The following SIL1 variants were observed in gnomAD, a reference collection of about 807,000 sequenced individuals.
The protein encoded by SIL1 is SIL1 nucleotide exchange factor.
Under a neutral mutation model 49.1 loss-of-function variants are expected in SIL1, and 40 were observed. The observed-to-expected ratio is 0.81, with a 90% CI of 0.63 to 1.06. The LOEUF is 1.06. SIL1 is among the 50% of genes least tolerant of loss of function. The pLI is 0.00. For missense variants in SIL1, 500 were observed against 572.6 expected (o/e 0.87, Z 1.29); for synonymous variants, 253 against 250.8 (o/e 1.01, Z -0.08).
chr5:138,987,613 T>C (rs1337564339), intron 7 of SIL1, among the ~76,000 whole-genome samples: 1 of 152,202 alleles, frequency 6.6e-6, no homozygotes, highest in Non-Finnish European at 1.5e-5. Context: ...ATGGCTTTTG[T>C]ATTCCTGCAT....
chr5:139,105,720 C>T (rs1770690382), intron 3 of SIL1, among the ~76,000 whole-genome samples: 2 of 152,230 alleles, frequency 1.3e-5, no homozygotes, highest in African/African-American at 4.8e-5. Context: ...GCCCCGGTAG[C>T]AATCGTGCAC....
At chr5:138,976,659 G>A (rs1260177805) in intron 7 of SIL1, among the ~76,000 whole-genome samples, 1 of 152,068 alleles carries the variant, frequency 6.6e-6, no homozygotes, top group Non-Finnish European at 1.5e-5. Flanking sequence ...GAAGCACATA[G>A]TAGGGACTCA....
At chr5:139,185,900 G>A in intron 1 of SIL1, among the ~76,000 whole-genome samples, 1 of 152,256 alleles carries the variant, frequency 6.6e-6, no homozygotes, top group East Asian at 1.9e-4. Flanking sequence ...TGGAGATGCA[G>A]ACTTCCTTCT....
At chr5:139,001,859 G>C (rs543353075) in intron 7 of SIL1, among the ~76,000 whole-genome samples, 1 of 151,732 alleles carries the variant, frequency 6.6e-6, no homozygotes, top group African/African-American at 2.4e-5. Context: ...GAGCCAAGTC[G>C]CGCCACTGCA....
chr5:139,111,897 C>T (rs1770851122), intron 3 of SIL1, among the ~76,000 whole-genome samples: 1 of 152,218 alleles, frequency 6.6e-6, no homozygotes, highest in African/African-American at 2.4e-5. Flanking sequence ...GATGCCGAGC[C>T]AAAGCTGGAC....
At chr5:139,122,300 A>G (rs912098713) in intron 2 of SIL1, among the ~76,000 whole-genome samples, 13 of 151,994 alleles carry the variant, frequency 8.6e-5, no homozygotes, top group African/African-American at 1.5e-4. Context: ...TTCAACTAAC[A>G]CCTCATTCTC....
intron 4 of SIL1, among the ~76,000 whole-genome samples, chr5:139,049,811 A>ATC (rs1561842510): frequency 2.6e-5 from 4 of 151,768 alleles, no homozygotes; most frequent in Non-Finnish European, 5.9e-5. Flanking sequence ...AAAAAAAAAA[A>ATC]ATCATCATCA....
chr5:139,112,555 G>A (rs1174210934), intron 3 of SIL1, among the ~76,000 whole-genome samples: 1 of 150,968 alleles, frequency 6.6e-6, no homozygotes, highest in Non-Finnish European at 1.5e-5. Context: ...GAAGTGAGGA[G>A]CCCCTCCGCC....
At chr5:139,034,359 A>G (rs1170803325) in intron 5 of SIL1, 1 of 152,108 alleles carries the variant, frequency 6.6e-6, no homozygotes, top group East Asian at 1.9e-4. Context: ...GTTAGAGCTT[A>G]AATACACCAT....
intron 3 of SIL1, among the ~76,000 whole-genome samples, chr5:139,086,616 C>A (rs1279913613): frequency 6.6e-6 from 1 of 151,802 alleles, no homozygotes; most frequent in Non-Finnish European, 1.5e-5. Flanking sequence ...CTCGGCCTCC[C>A]AAAGTGCTGG....
intron 1 of SIL1, among the ~76,000 whole-genome samples, chr5:139,182,835 T>A (rs1752015078): frequency 6.6e-6 from 1 of 152,176 alleles, no homozygotes; most frequent in Admixed American, 6.5e-5. Flanking sequence ...AGCTGTTACA[T>A]GGTTTAAATC....
chr5:139,149,276 C>G (rs1386675701), intron 1 of SIL1, among the ~76,000 whole-genome samples: 1 of 152,184 alleles, frequency 6.6e-6, no homozygotes, highest in Non-Finnish European at 1.5e-5. Context: ...ATTTTTCATT[C>G]TCCCATACAG....
At chr5:139,184,377 T>C (rs1752042346) in intron 1 of SIL1, among the ~76,000 whole-genome samples, 1 of 152,162 alleles carries the variant, frequency 6.6e-6, no homozygotes, top group African/African-American at 2.4e-5. Flanking sequence ...CACCATAAAA[T>C]GGGGGTGTTG....
At chr5:138,959,012 T>A (rs1021454396) in intron 7 of SIL1, among the ~76,000 whole-genome samples, 3 of 152,222 alleles carry the variant, frequency 2.0e-5, no homozygotes, top group African/African-American at 7.2e-5. Context: ...CAAATTATCC[T>A]TAATCACCAG....
chr5:139,051,250 A>C, intron 3 of SIL1: 2 of 607,228 alleles, frequency 3.3e-6, no homozygotes, highest in Non-Finnish European at 5.9e-6. Flanking sequence ...GGAAATCTGT[A>C]AGGGAATGAC....
intron 3 of SIL1, among the ~76,000 whole-genome samples, chr5:139,062,834 G>A (rs1190776255): frequency 6.6e-6 from 1 of 152,230 alleles, no homozygotes; most frequent in East Asian, 1.9e-4. Flanking sequence ...GCAAGAGTCT[G>A]CTCTTTTCCA....
intron 3 of SIL1, among the ~76,000 whole-genome samples, chr5:139,110,826 A>G (rs1383702337): frequency 6.6e-6 from 1 of 152,218 alleles, no homozygotes; most frequent in Non-Finnish European, 1.5e-5. Context: ...GGAGCTTCCA[A>G]AAAGCTCTCC....
rs115400464 is a variant in SIL1, at chr5:139,065,615, G to A, written c.245-14569C>T. ...TTCTAGGCCAATGCACACAAGGTTG[G>A]TGCTCCAGCAAAGCTGCTGCTGTGC... On this transcript the variant is annotated intron_variant, in intron 3 of 9. Coordinates refer to ENST00000394817, the MANE Select transcript of SIL1 (RefSeq NM_022464.5). Among the ~76,000 whole-genome samples, 570 of 152,290 alleles carry A rather than the reference G, an allele frequency of 3.7e-3. 4 individuals carry two copies. The highest frequency in any genetic ancestry group is 0.013 in the African/African-American group (538 of 41,550).
intron 1 of SIL1, chr5:139,133,290 T>C (rs1390273384): frequency 2.0e-5 from 3 of 152,172 alleles, no homozygotes; most frequent in African/African-American, 7.2e-5. Context: ...AAGTGTCCAT[T>C]TGTAGGCTGT....
Sources: allele counts gnomAD v4.1 joint callset (sites outside exome capture counted in the v4.1 genomes callset), GRCh38; gene constraint gnomAD v4.1.1; transcripts MANE v1.5; gene names NCBI Gene and HGNC (gene_info 2026-07-23, HGNC 2026-07-21).